The following ADGRV1 variants were observed in gnomAD, a reference collection of about 807,000 sequenced individuals.
ADGRV1 encodes G-protein coupled receptor 98.
In ADGRV1, 359 loss-of-function variants were observed where a neutral mutation model predicts 596.2. That is an observed-to-expected ratio of 0.60 (90% CI 0.55 to 0.66). The LOEUF (loss-of-function observed/expected upper bound fraction) is 0.66. Among genes scored for constraint, ADGRV1 ranks in the 30% least tolerant of loss-of-function variants. The probability of loss-of-function intolerance (pLI) is 0.00; values close to 1 mark genes in which losing one functional copy is unlikely to be tolerated. For synonymous variants in ADGRV1, 2,681 were observed against 2,679.2 expected (o/e 1.00, Z -0.02); for missense variants, 7,274 against 7,575.6 (o/e 0.96, Z 1.48).
At position 90,805,431 on chromosome 5, in the gene ADGRV1, G is replaced by T. The variant is rs930892473; in HGVS notation, c.14809G>T (p.Val4937Phe). Residue 4937 changes from valine (V) to phenylalanine (F), a missense_variant, in exon 72 of 90, where the codon GTT becomes TTT. Around this residue, in one of 5 missense-constraint regions of ADGRV1, gnomAD observed 1,874 missense variants for 1,970.2 expected, o/e 0.95. Coordinates refer to ENST00000405460, the MANE Select transcript of ADGRV1 (RefSeq NM_032119.4). ...TGGGTTAGAAATTCCTGAATTCATT[G>T]TTGTTGGCAACATGACCCCAACACT... is the stretch of plus-strand genomic sequence containing the variant. ...APGLEIPEFI[V>F]VGNMTPTLGS... 4 of 1,591,924 alleles carry T rather than the reference G, an allele frequency of 2.5e-6. No individual in the cohort carries two copies. The highest frequency in any genetic ancestry group is 3.4e-6 in the Non-Finnish European group (4 of 1,162,192).
At chr5:90,950,219 A>T (rs924059369) in intron 83 of ADGRV1, among the ~76,000 whole-genome samples, 3 of 152,196 alleles carry the variant, frequency 2.0e-5, no homozygotes, top group Non-Finnish European at 4.4e-5. Flanking sequence ...GTGTATGTAT[A>T]TTGCTATATA....
chr5:90,815,734 C>T lies in ADGRV1; in HGVS notation c.16194C>T (p.Asn5398=), dbSNP rs370145499. ...RLHLIVTRQP[N]RAFEDVKVFW... is the part of the protein sequence containing the mutation. Reference sequence around the variant, plus strand: ...ACCTTATTGTCACAAGACAGCCAAACAGGTATGTGTATATATAGTATATGG... The same window carrying T: ...ACCTTATTGTCACAAGACAGCCAAATAGGTATGTGTATATATAGTATATGG... The change falls in exon 75 of 90, where the codon AAC becomes AAT. Residue 5398 remains asparagine, a splice_region_variant and synonymous_variant. Coordinates refer to ENST00000405460, the MANE Select transcript of ADGRV1 (RefSeq NM_032119.4). 11 of 1,468,150 alleles carry T rather than the reference C, an allele frequency of 7.5e-6. 1 individual carries two copies. The South Asian group carries it at 9.7e-5, about 13-fold the overall frequency. 90.9% of individuals were successfully genotyped at this position (1,468,150 alleles called of 1,614,324 possible). A position where few individuals can be genotyped will look rare whatever the true frequency, so the allele number is the denominator to read the frequency against.
At chr5:91,011,456 A>T (rs537030099) in intron 85 of ADGRV1, among the ~76,000 whole-genome samples, 1 of 151,904 alleles carries the variant, frequency 6.6e-6, no homozygotes, top group South Asian at 2.1e-4. Flanking sequence ...CTTCACCCTA[A>T]TAAGTGGCAA....
intron 82 of ADGRV1, among the ~76,000 whole-genome samples, chr5:90,860,297 A>T (rs756354594): frequency 6.6e-6 from 1 of 151,478 alleles, no homozygotes; most frequent in Non-Finnish European, 1.5e-5. Flanking sequence ...TTTTGTTCAT[A>T]CTAGAAATCT....
intron 15 of ADGRV1, among the ~76,000 whole-genome samples, chr5:90,645,703 T>A (rs1767651658): frequency 6.6e-6 from 1 of 152,188 alleles, no homozygotes; most frequent in African/African-American, 2.4e-5. Flanking sequence ...AGTTTTTAGC[T>A]TATATAAGGC....
At chr5:90,879,004 A>C (rs1769487549) in intron 83 of ADGRV1, among the ~76,000 whole-genome samples, 1 of 152,228 alleles carries the variant, frequency 6.6e-6, no homozygotes. Context: ...CTTCAGCTTT[A>C]AGTGGAGAGT....
At chr5:90,679,505 C>T in intron 25 of ADGRV1, 44 bp from the exon 26 acceptor site, 6 of 1,385,998 alleles carry the variant, frequency 4.3e-6, no homozygotes, top group Non-Finnish European at 6.1e-6. Context: ...CTCATTGTGT[C>T]AATGTGTGTT....
intron 1 of ADGRV1, among the ~76,000 whole-genome samples, chr5:90,606,500 A>G (rs549903352): frequency 8.5e-4 from 130 of 152,358 alleles, no homozygotes; most frequent in African/African-American, 3.1e-3. Flanking sequence ...AGCGACAACT[A>G]CAAAGAAGGA....
At chr5:91,064,057 G>A (rs1238957719) in intron 85 of ADGRV1, among the ~76,000 whole-genome samples, 1 of 152,116 alleles carries the variant, frequency 6.6e-6, no homozygotes, top group East Asian at 1.9e-4. Context: ...ATGTTGATTG[G>A]ATTATGATTG....
chr5:90,928,171 G>A (rs980300455), intron 83 of ADGRV1, among the ~76,000 whole-genome samples: 6 of 152,046 alleles, frequency 3.9e-5, no homozygotes, highest in South Asian at 4.1e-4. Context: ...GAATCTGAAC[G>A]TTGGCCTGCC....
intron 85 of ADGRV1, among the ~76,000 whole-genome samples, chr5:91,054,294 T>C (rs1009971938): frequency 2.0e-5 from 3 of 152,210 alleles, no homozygotes; most frequent in Non-Finnish European, 2.9e-5. Context: ...TGAGCAACTT[T>C]ATAAGCAACT....
At chr5:90,675,149 G>T in intron 23 of ADGRV1, 94 bp from the exon 24 acceptor site, 1 of 1,047,760 alleles carries the variant, frequency 9.5e-7, no homozygotes, top group Non-Finnish European at 1.3e-6. Flanking sequence ...TTTTGGCCTG[G>T]TGATCAAAAT....
intron 50 of ADGRV1, among the ~76,000 whole-genome samples, chr5:90,739,567 ATG>A (rs1344607230): frequency 1.3e-5 from 2 of 152,200 alleles, no homozygotes; most frequent in African/African-American, 4.8e-5. Context: ...CTGGGATCAA[ATG>A]GAAGTGCTGG....
chr5:90,968,043 C>A (rs1421772599), intron 84 of ADGRV1, among the ~76,000 whole-genome samples: 2 of 152,134 alleles, frequency 1.3e-5, no homozygotes, highest in Non-Finnish European at 2.9e-5. Context: ...TGGAAAACAA[C>A]CCCCTAAGAA....
At chr5:90,991,409 A>G (rs550601471) in intron 85 of ADGRV1, among the ~76,000 whole-genome samples, 2 of 152,272 alleles carry the variant, frequency 1.3e-5, no homozygotes, top group Admixed American at 6.5e-5. Flanking sequence ...TAACTTCATA[A>G]CTTAATTTTA....
At chr5:90,662,724 T>C (rs1770573410) in intron 21 of ADGRV1, among the ~76,000 whole-genome samples, 1 of 152,118 alleles carries the variant, frequency 6.6e-6, no homozygotes, top group African/African-American at 2.4e-5. Flanking sequence ...ACTCGTCATC[T>C]AGCATTAGGT....
intron 30 of ADGRV1, among the ~76,000 whole-genome samples, chr5:90,690,384 AT>A (rs1194764831): frequency 6.6e-6 from 1 of 152,198 alleles, no homozygotes; most frequent in Admixed American, 6.5e-5. Flanking sequence ...ATTTATAGAA[AT>A]TTACACAAAA....
chr5:90,894,605 G>A (rs1771125942), intron 83 of ADGRV1, among the ~76,000 whole-genome samples: 1 of 152,150 alleles, frequency 6.6e-6, no homozygotes, highest in South Asian at 2.1e-4. Flanking sequence ...TAAAACCACA[G>A]CAGTCACCGA....
rs776323655 is a variant in ADGRV1 at position 90,652,575 on chromosome 5, T to A, written c.3634+12T>A. 26 of 1,508,674 alleles carry A rather than the reference T, an allele frequency of 1.7e-5. No individual in the cohort carries two copies. The highest frequency in any genetic ancestry group is 2.4e-5 in the Non-Finnish European group (26 of 1,101,090). 93.5% of individuals were successfully genotyped at this position (1,508,674 alleles called of 1,614,324 possible). A position where few individuals can be genotyped will look rare whatever the true frequency, so the allele number is the denominator to read the frequency against. The stretch of plus-strand genomic sequence containing the variant: ...TGTAAACATTTCAGGTACTGTGTTT[T>A]TCCATGTCTTATTTTATTTCCATGT... On this transcript the variant is annotated intron_variant, in intron 19 of 89. Transcript: ENST00000405460.
Sources: gnomAD v4.1 joint callset for allele counts (sites outside exome capture counted in the v4.1 genomes callset) on GRCh38, gnomAD v4.1.1 for gene constraint, gnomAD v4.1.1 regional missense constraint, MANE v1.5 for transcripts, NCBI Gene and HGNC (gene_info 2026-07-23, HGNC 2026-07-21) for gene names.